PAX2: variants seen among roughly 807,000 people sequenced by gnomAD.
The protein encoded by PAX2 is paired box protein Pax-2.
PAX2 carries 9 observed loss-of-function variants against 41.7 expected under a neutral mutation model. The ratio of observed to expected loss-of-function variants is 0.22; its 90% CI spans 0.13 to 0.38. The LOEUF (loss-of-function observed/expected upper bound fraction) is 0.38. PAX2 is among the 10% of genes least tolerant of loss of function. PAX2 has a pLI of 1.00. For missense variants in PAX2, 418 were observed against 531.6 expected, an observed-to-expected ratio of 0.79 and a Z score of 2.10; for synonymous variants, 221 against 212.7, an observed-to-expected ratio of 1.04 and a Z score of -0.34.
At chr10:100,792,405 C>T (rs1235512463) in intron 5 of PAX2, among the ~76,000 whole-genome samples, 1 of 152,210 alleles carries the variant, frequency 6.6e-6, no homozygotes, top group African/African-American at 2.4e-5. Flanking sequence ...GTGGGCTTGG[C>T]ACCATCATGT....
Position 100,748,293 on chromosome 10 carries a change from G to A in PAX2, c.44-1453G>A, listed in dbSNP as rs867030603. 10 of 984,678 alleles carry A rather than the reference G, an allele frequency of 1.0e-5. No homozygotes were observed. In the South Asian group the frequency reaches 4.2e-4, roughly 42 times the overall value. The allele number at this position is 984,678 out of a possible 1,614,324, so 61.0% of individuals were successfully genotyped here. ...TGATGGTCGGGGTTTGGAGGGAGGGGAGGGTGAGAAGTGGGGCTAGAGATA... is the reference window on the plus strand; with the variant it reads ...TGATGGTCGGGGTTTGGAGGGAGGGAAGGGTGAGAAGTGGGGCTAGAGATA... On this transcript the variant is annotated intron_variant, in intron 1 of 9. Transcript: ENST00000355243. The surrounding 1 kb of genome is among the most constrained non-coding windows in gnomAD (Gnocchi z 5.0).
At position 100,824,955 on chromosome 10, in the gene PAX2, G is replaced by A; in HGVS notation, c.1021+206G>A. 6.2e-7 allele frequency: 1 copy of A among 1,614,080 alleles called. No individual in the cohort carries two copies. ...CATGAGCAAGCCGGGGAGGAAGCTT[G>A]CAGAAGTGCCCCCTTGTGTGCAACC... On this transcript the variant is annotated intron_variant, in intron 8 of 9. Transcript: ENST00000355243. The surrounding 1 kb of genome is among the most constrained non-coding windows in gnomAD (Gnocchi z 6.6).
intron 7 of PAX2, among the ~76,000 whole-genome samples, chr10:100,821,907 C>G (rs550999160): frequency 2.0e-5 from 3 of 152,212 alleles, no homozygotes; most frequent in Admixed American, 1.3e-4. Context: ...AAAACTTCTG[C>G]GTCTTCCCTA....
At chr10:100,781,493 C>T in intron 5 of PAX2, 128 bp downstream of exon 5, 2 of 972,896 alleles carry the variant, frequency 2.1e-6, no homozygotes, top group Non-Finnish European at 3.3e-6. Context: ...GCCCAGGTCC[C>T]CCCACTGCCC....
chr10:100,763,149 G>C (rs1047047900), intron 3 of PAX2, among the ~76,000 whole-genome samples: 1 of 152,022 alleles, frequency 6.6e-6, no homozygotes, highest in South Asian at 2.1e-4. Flanking sequence ...TTTTATTCTG[G>C]GCTACTCTTT....
In PAX2 at chr10:100,750,126, G is replaced by T. The variant is rs998252554; in HGVS notation, c.212+212G>T. The stretch of plus-strand genomic sequence containing the variant: ...GGTGGCGCAGTGTCACCCAGTGCTT[G>T]CCCTGCCCCTGGTCCCTGGTGAGAA... On this transcript the variant is annotated intron_variant, in intron 2 of 9. Coordinates refer to ENST00000355243, the MANE Select transcript of PAX2 (RefSeq NM_000278.5). This position sits in a 1 kb window ranked among gnomAD's most constrained non-coding sequence, Gnocchi z 4.1. Among the ~76,000 whole-genome samples the T allele has an allele frequency of 6.6e-6, 1 of 152,238 alleles. No homozygotes were observed. The highest frequency in any genetic ancestry group is 1.5e-5 in the Non-Finnish European group (1 of 68,052).
At chr10:100,783,139 C>A (rs1298218688) in intron 5 of PAX2, among the ~76,000 whole-genome samples, 1 of 152,196 alleles carries the variant, frequency 6.6e-6, no homozygotes, top group Non-Finnish European at 1.5e-5. Flanking sequence ...CCTGGCTGGC[C>A]CAGAACAGGG....
At position 100,788,355 on chromosome 10, in the gene PAX2, C is replaced by T. The variant is rs536851098; in HGVS notation, c.616+6990C>T. ...AGGCGTGCCCTGGTCACCAAGCTCT[C>T]TTCCCGGCTCTCCTTCTGGAGGGGC... On this transcript the variant is annotated intron_variant, in intron 5 of 9. Transcript: ENST00000355243. Among the ~76,000 whole-genome samples the T allele has an allele frequency of 5.3e-5, 8 of 152,346 alleles. No individual in the cohort carries two copies. In the South Asian group the frequency reaches 1.7e-3, roughly 32 times the overall value.
intron 3 of PAX2, among the ~76,000 whole-genome samples, chr10:100,754,861 C>A (rs1845575188): frequency 6.6e-6 from 1 of 152,182 alleles, no homozygotes; most frequent in African/African-American, 2.4e-5. Flanking sequence ...TACCACATCT[C>A]CATATCTTTG....
rs1328599504 is a variant in PAX2, at chr10:100,776,665, GCTC to G, written c.411-2829_411-2827del. Among the ~76,000 whole-genome samples the G allele has an allele frequency of 3.3e-5, 5 of 152,158 alleles. No individual in the cohort carries two copies. In the East Asian group the frequency reaches 9.7e-4, roughly 29 times the overall value. ...TGATGCAGGGGCATTGCCCCTGGAC[GCTC>G]CTCTTTCACCTCAAATGCTGCACAT... is the stretch of plus-strand genomic sequence containing the variant. On this transcript the variant is annotated intron_variant, in intron 3 of 9. Transcript: ENST00000355243.
upstream of PAX2, among the ~76,000 whole-genome samples, chr10:100,740,650 A>T (rs1374018252): frequency 6.6e-6 from 1 of 152,242 alleles, no homozygotes; most frequent in Non-Finnish European, 1.5e-5. Context: ...AGCTCCATGG[A>T]GTAGACAAGA....
At chr10:100,782,718 C>T (rs12254255) in intron 5 of PAX2, among the ~76,000 whole-genome samples, 3,984 of 152,374 alleles carry the variant, frequency 0.026, 146 homozygotes, top group African/African-American at 0.083. Flanking sequence ...CCGATTTGGC[C>T]GCCACGGCCT....
upstream of PAX2, among the ~76,000 whole-genome samples, chr10:100,744,028 C>T (rs1845055307): frequency 3.3e-5 from 5 of 152,182 alleles, no homozygotes; most frequent in African/African-American, 1.2e-4. Flanking sequence ...AGGCTCAGAA[C>T]CTCGTCCCGC....
chr10:100,817,261 C>A (rs1478213003), intron 7 of PAX2, among the ~76,000 whole-genome samples: 1 of 152,162 alleles, frequency 6.6e-6, no homozygotes, highest in Admixed American at 6.5e-5. Flanking sequence ...AAATGTCTTC[C>A]CCTCTCTCTG....
chr10:100,735,513 A>C, exon 1 of PAX2: 1 of 277,366 alleles, frequency 3.6e-6, no homozygotes, highest in Non-Finnish European at 6.3e-6. Flanking sequence ...CGCGGCCGGG[A>C]GTGAGAGAGC....
At chr10:100,823,972 C>T (rs1848453826) in intron 7 of PAX2, among the ~76,000 whole-genome samples, 1 of 152,278 alleles carries the variant, frequency 6.6e-6, no homozygotes, top group South Asian at 2.1e-4. Flanking sequence ...TTTATCTGGT[C>T]CACTTGCACT....
chr10:100,809,889 G>A (rs1182861945), intron 7 of PAX2, among the ~76,000 whole-genome samples: 6 of 152,236 alleles, frequency 3.9e-5, no homozygotes, highest in Admixed American at 3.9e-4. Flanking sequence ...CAAATGAAGA[G>A]CAGCAGGGCC....
At position 100,748,456 on chromosome 10, in the gene PAX2, G is replaced by A. The variant is rs887256453; in HGVS notation, c.44-1290G>A. On this transcript the variant is annotated intron_variant, in intron 1 of 9. Transcript: ENST00000355243. This position sits in a 1 kb window ranked among gnomAD's most constrained non-coding sequence, Gnocchi z 5.0. The stretch of plus-strand genomic sequence containing the variant: ...GAGAAAGGGAGGGGAGAGAAATGAG[G>A]GGGGCACAGATGTCCCCGCTTTCTC... 2 of 985,090 alleles carry A rather than the reference G, an allele frequency of 2.0e-6. No individual in the cohort carries two copies. Among genetic ancestry groups the A allele is most frequent in the South Asian group, 4.7e-5 (1 of 21,250 alleles). 61.0% of individuals were successfully genotyped at this position (985,090 alleles called of 1,614,324 possible).
intron 1 of PAX2, among the ~76,000 whole-genome samples, chr10:100,738,476 C>T (rs574878758): frequency 6.6e-6 from 1 of 152,288 alleles, no homozygotes; most frequent in East Asian, 1.9e-4. Context: ...CTTCGCCACC[C>T]CCTGGCACTT....
Sources: allele counts gnomAD v4.1 joint callset (sites outside exome capture counted in the v4.1 genomes callset), GRCh38; gene constraint gnomAD v4.1.1; non-coding constraint Gnocchi (gnomAD v3.1); transcripts MANE v1.5; gene names NCBI Gene and HGNC (gene_info 2026-07-23, HGNC 2026-07-21).